The following PRAME variants were observed in gnomAD, a reference collection of about 807,000 sequenced individuals.
PRAME encodes the protein melanoma antigen preferentially expressed in tumors.
Under a neutral mutation model 32.1 loss-of-function variants are expected in PRAME, and 21 were observed. The observed-to-expected ratio is 0.65, with a 90% CI of 0.46 to 0.94. The LOEUF is 0.94. Ranked by LOEUF, PRAME falls within the 40% of genes least tolerant of loss-of-function variation. The pLI, the probability that PRAME is intolerant of heterozygous loss-of-function variation, is 0.00. For synonymous variants in PRAME, 274 were observed against 251.5 expected, an observed-to-expected ratio of 1.09 and a Z score of -0.85; for missense variants, 651 against 622.3, an observed-to-expected ratio of 1.05 and a Z score of -0.49.
chr22:22,558,534 G>C (rs1354556378), intron 1 of PRAME, among the ~76,000 whole-genome samples: 2 of 116,082 alleles, frequency 1.7e-5, no homozygotes, highest in African/African-American at 3.3e-5. Flanking sequence ...GAGTGGGGGA[G>C]GGGGTGGGGA....
At position 22,556,889 on chromosome 22, in the gene PRAME, G is replaced by C; in HGVS notation, c.-57C>G. The C allele has an allele frequency of 1.2e-6, 2 of 1,602,068 alleles. No individual in the cohort carries two copies. The highest frequency in any genetic ancestry group is 1.3e-5 in the African/African-American group (1 of 74,676). On this transcript the variant is annotated 5_prime_UTR_variant, in exon 3 of 6. Transcript: ENST00000405655. ...CCAACGCTTGGATTTCTAGGTCTCA[G>C]TCACTTGTTGCCACGCACGTCTGAG...
In PRAME at chr22:22,548,560, G is replaced by T. The variant is rs371645390; in HGVS notation, c.1037C>A (p.Pro346His). The T allele has an allele frequency of 6.2e-7, 1 of 1,613,118 alleles. No homozygotes were observed. The highest frequency in any genetic ancestry group is 8.5e-7 in the Non-Finnish European group (1 of 1,179,916). Residue 346 changes from proline to histidine, a missense_variant, in exon 6 of 6, where the codon CCC becomes CAC. Transcript: ENST00000405655. The part of the protein sequence containing the change: ...EGDVMHLSQS[P>H]SVSQLSVLSL... Reference sequence around the variant, plus strand: ...CAGGACACTTAGCTGACTGACGCTGGGACTCTGGGACAGATGCATCACATC... The same window carrying T: ...CAGGACACTTAGCTGACTGACGCTGTGACTCTGGGACAGATGCATCACATC...
At chr22:22,555,968 G>A (rs1221462462) in intron 3 of PRAME, 1 of 455,528 alleles carries the variant, frequency 2.2e-6, no homozygotes, top group East Asian at 7.2e-5. Flanking sequence ...CGTGGCTTTG[G>A]CAATAAGGTC....
intron 3 of PRAME, chr22:22,554,108 G>C: frequency 1.0e-6 from 1 of 984,824 alleles, no homozygotes; most frequent in African/African-American, 1.8e-5. Flanking sequence ...ACAAAAAATT[G>C]AAGTTATATT....
chr22:22,553,630 G>A (rs2062732380), intron 3 of PRAME, among the ~76,000 whole-genome samples: 2 of 151,924 alleles, frequency 1.3e-5, no homozygotes, highest in Non-Finnish European at 1.5e-5. Flanking sequence ...GATCCTCTTG[G>A]CAAACAGCCT....
At chr22:22,551,536 C>A (rs895536232) in intron 3 of PRAME, among the ~76,000 whole-genome samples, 1 of 151,784 alleles carries the variant, frequency 6.6e-6, no homozygotes, top group Non-Finnish European at 1.5e-5. Context: ...GGAACACACA[C>A]ACAATGCACA....
At chr22:22,558,529 G>A (rs1425030029) in intron 1 of PRAME, among the ~76,000 whole-genome samples, 1 of 115,134 alleles carries the variant, frequency 8.7e-6, no homozygotes, top group Non-Finnish European at 1.8e-5. Flanking sequence ...GCAGAGAGTG[G>A]GGGAGGGGGT....
chr22:22,555,091 C>T (rs1191175089), intron 3 of PRAME, among the ~76,000 whole-genome samples: 3 of 151,934 alleles, frequency 2.0e-5, no homozygotes, highest in South Asian at 2.1e-4. Flanking sequence ...CAGCATGACT[C>T]CTAGGGTCCA....
At chr22:22,552,763 G>A (rs1039864357) in intron 3 of PRAME, 4 of 462,004 alleles carry the variant, frequency 8.7e-6, no homozygotes, top group Non-Finnish European at 1.8e-5. Context: ...ACCCTGAGGT[G>A]ACAGTAGAAG....
intron 3 of PRAME, among the ~76,000 whole-genome samples, chr22:22,555,073 C>G (rs559235605): frequency 1.3e-5 from 2 of 152,110 alleles, no homozygotes; most frequent in South Asian, 4.2e-4. Flanking sequence ...AGTGAAAAGA[C>G]TGGGGCCCAG....
intron 5 of PRAME, among the ~76,000 whole-genome samples, chr22:22,549,044 C>A (rs2062408231): frequency 6.6e-6 from 1 of 151,860 alleles, no homozygotes; most frequent in African/African-American, 2.4e-5. Flanking sequence ...CTGCCTGGGC[C>A]CCAGTCACCT....
At position 22,547,968 on chromosome 22, in the gene PRAME, T is replaced by C. The variant is rs557920541; in HGVS notation, c.*99A>G. 5 of 1,283,220 alleles carry C rather than the reference T, an allele frequency of 3.9e-6. No homozygotes were observed. The African/African-American group carries it at 4.5e-5, about 11-fold the overall frequency. The allele number at this position is 1,283,220 out of a possible 1,614,324, so 79.5% of individuals were successfully genotyped here. On this transcript the variant is annotated 3_prime_UTR_variant, in exon 6 of 6. Transcript: ENST00000405655. ...TGTTTTCCTCACTCACACTGAACATTTGTCTGAAACTGTGGCTGCTTTGTT... is the reference window on the plus strand; with the variant it reads ...TGTTTTCCTCACTCACACTGAACATCTGTCTGAAACTGTGGCTGCTTTGTT...
chr22:22,555,993 ATT>A (rs113693405), intron 3 of PRAME: 45,976 of 323,940 alleles, frequency 0.14, 3 homozygotes, highest in South Asian at 0.24. Flanking sequence ...ATGCATTAAG[ATT>A]TTTTTTTTTT....
chr22:22,551,084 GGAA>G lies in PRAME; in HGVS notation c.24_26del (p.Ser9del). 6.4e-7 allele frequency: 1 copy of G among 1,561,818 alleles called. No homozygotes were observed. The highest frequency in any genetic ancestry group is 8.7e-7 in the Non-Finnish European group (1 of 1,149,722). On this transcript the variant is annotated inframe_deletion and splice_region_variant, in exon 4 of 6. Transcript: ENST00000405655. ...TCATGCTGATGTATCGGCTCTGAAT[GGAA>G]CCCTGAGGAAACATACAGGGAACAA...
intron 2 of PRAME, chr22:22,557,252 A>G: frequency 4.0e-6 from 1 of 251,664 alleles, no homozygotes; most frequent in South Asian, 5.5e-5. Context: ...CAGCACCTTC[A>G]GAGGGGCCGA....
intron 1 of PRAME, among the ~76,000 whole-genome samples, chr22:22,558,751 C>T (rs1423483916): frequency 6.6e-6 from 1 of 151,414 alleles, no homozygotes; most frequent in Middle Eastern, 3.5e-3. Context: ...CAAGTCTGGA[C>T]TCTGTCCTGG....
chr22:22,549,619 C>T, intron 5 of PRAME, 107 bp downstream of exon 5: 1 of 1,394,100 alleles, frequency 7.2e-7, no homozygotes. Context: ...TAGTGACTTG[C>T]TCACTCTTGC....
In PRAME at chr22:22,548,525, C is replaced by T. The variant is rs2062370702; in HGVS notation, c.1072G>A (p.Gly358Arg). Residue 358 changes from glycine to arginine, a missense_variant, in exon 6 of 6, where the codon GGG becomes AGG. Coordinates refer to ENST00000405655, the MANE Select transcript of PRAME (RefSeq NM_206956.3). ...VSQLSVLSLSGVMLTDVSPEP... is the reference protein window; with the variant it reads ...VSQLSVLSLSRVMLTDVSPEP... Reference sequence around the variant, plus strand: ...GGACTTACATCGGTCAGCATGACCCCACTTAGACTCAGGACACTTAGCTGA... The same window carrying T: ...GGACTTACATCGGTCAGCATGACCCTACTTAGACTCAGGACACTTAGCTGA... 2 of 1,613,514 alleles carry T rather than the reference C, an allele frequency of 1.2e-6. No homozygotes were observed. Among genetic ancestry groups the T allele is most frequent in the Non-Finnish European group, 1.7e-6 (2 of 1,179,950 alleles).
At chr22:22,557,018 C>T (rs1232612992) in intron 2 of PRAME, 109 bp from the exon 3 acceptor site, 5 of 691,500 alleles carry the variant, frequency 7.2e-6, no homozygotes, top group Non-Finnish European at 1.2e-5. Flanking sequence ...AAACTGACAA[C>T]TGGCGACTCA....
Sources: allele counts gnomAD v4.1 joint callset (sites outside exome capture counted in the v4.1 genomes callset), GRCh38; gene constraint gnomAD v4.1.1; transcripts MANE v1.5; gene names NCBI Gene and HGNC (gene_info 2026-07-23, HGNC 2026-07-21).